SSBP2: variants seen among roughly 807,000 people sequenced by gnomAD.
The protein encoded by SSBP2 is single-stranded DNA-binding protein 2.
Under a neutral mutation model 61.8 loss-of-function variants are expected in SSBP2, and 17 were observed. The observed-to-expected ratio is 0.28, with a 90% CI of 0.19 to 0.41. The LOEUF is 0.41. Among genes scored for constraint, SSBP2 ranks in the 10% least tolerant of loss-of-function variants. SSBP2 has a pLI of 1.00. For synonymous variants in SSBP2, 139 were observed against 141.3 expected (o/e 0.98, Z 0.12); for missense variants, 310 against 458.7 (o/e 0.68, Z 2.96).
At position 81,420,888 on chromosome 5, in the gene SSBP2, G is replaced by A. The variant is rs550793854; in HGVS notation, c.1057-355C>T. 6.6e-5 allele frequency among the ~76,000 whole-genome samples: 10 copies of A among 152,202 alleles called. No individual in the cohort carries two copies. The South Asian group carries it at 1.5e-3, about 22-fold the overall frequency. On this transcript the variant is annotated intron_variant, in intron 16 of 16. Transcript: ENST00000320672. ...TAGTCCAAGGCTGGATCATAACTAA[G>A]TAAGTATGAGGTCTAGTCTTTGCTG...
chr5:81,448,322 A>T (rs960141352), intron 11 of SSBP2, among the ~76,000 whole-genome samples: 7 of 152,192 alleles, frequency 4.6e-5, no homozygotes, highest in Non-Finnish European at 2.9e-5. Context: ...AGTGTTCTCA[A>T]TTTCAAAGAA....
At chr5:81,459,430 G>C (rs1222033757) in intron 10 of SSBP2, among the ~76,000 whole-genome samples, 3 of 152,162 alleles carry the variant, frequency 2.0e-5, no homozygotes, top group Non-Finnish European at 4.4e-5. Context: ...AAGGTGGGTA[G>C]TGGTGGGTGT....
At chr5:81,505,289 A>C (rs892100635) in intron 5 of SSBP2, among the ~76,000 whole-genome samples, 1 of 152,204 alleles carries the variant, frequency 6.6e-6, no homozygotes, top group African/African-American at 2.4e-5. Context: ...AATATTTTCT[A>C]TCTGGCCTTT....
At chr5:81,440,055 C>A (rs1762930758) in intron 14 of SSBP2, among the ~76,000 whole-genome samples, 1 of 152,060 alleles carries the variant, frequency 6.6e-6, no homozygotes, top group Non-Finnish European at 1.5e-5. Context: ...AAAAGAGAAT[C>A]ATTCAAATTA....
intron 4 of SSBP2, among the ~76,000 whole-genome samples, chr5:81,606,538 C>T (rs919674623): frequency 6.6e-6 from 1 of 152,210 alleles, no homozygotes; most frequent in African/African-American, 2.4e-5. Context: ...ATCATTCTTA[C>T]AATGACTTGG....
chr5:81,425,610 T>C lies in SSBP2; in HGVS notation c.1056+2975A>G, dbSNP rs139983744. On this transcript the variant is annotated intron_variant, in intron 16 of 16. Transcript: ENST00000320672. ...TTCACTTGAGAAGCATGAAAAACTA[T>C]TTTTTTTGAACTAAGGCTTTTTGTA... Among the ~76,000 whole-genome samples, 447 of 151,570 alleles carry C rather than the reference T, an allele frequency of 2.9e-3. 4 individuals carry two copies. Among genetic ancestry groups the C allele is most frequent in the African/African-American group, 0.01 (428 of 41,182 alleles).
At chr5:81,713,657 G>A (rs1281299464) in intron 1 of SSBP2, among the ~76,000 whole-genome samples, 1 of 152,022 alleles carries the variant, frequency 6.6e-6, no homozygotes, top group Non-Finnish European at 1.5e-5. Context: ...TCATCCAGAG[G>A]CACAGAACTA....
intron 1 of SSBP2, among the ~76,000 whole-genome samples, chr5:81,726,947 C>T (rs1755927933): frequency 6.6e-6 from 1 of 152,196 alleles, no homozygotes; most frequent in Non-Finnish European, 1.5e-5. Context: ...TTTGCACTTA[C>T]TCTGTACGCC....
intron 2 of SSBP2, among the ~76,000 whole-genome samples, chr5:81,643,916 T>A (rs1749041643): frequency 6.6e-6 from 1 of 152,166 alleles, no homozygotes; most frequent in Admixed American, 6.6e-5. Flanking sequence ...ATTTTTACAT[T>A]TTAATTCAAA....
intron 4 of SSBP2, among the ~76,000 whole-genome samples, chr5:81,602,977 C>G (rs1744523017): frequency 6.6e-6 from 1 of 152,200 alleles, no homozygotes; most frequent in South Asian, 2.1e-4. Flanking sequence ...CATGAACAGT[C>G]TTTCTACCCA....
At chr5:81,433,919 G>C (rs1449365776) in intron 15 of SSBP2, among the ~76,000 whole-genome samples, 1 of 152,158 alleles carries the variant, frequency 6.6e-6, no homozygotes, top group African/African-American at 2.4e-5. Flanking sequence ...TCCTAGCCTT[G>C]TCCACAAAAG....
At chr5:81,731,869 CTT>C (rs1309987538) in intron 1 of SSBP2, among the ~76,000 whole-genome samples, 5 of 150,982 alleles carry the variant, frequency 3.3e-5, no homozygotes, top group Non-Finnish European at 7.4e-5. Flanking sequence ...ATAATATTAA[CTT>C]AAACAGAGAA....
intron 15 of SSBP2, 71 bp downstream of exon 15, chr5:81,437,359 C>CT (rs1762737412): frequency 4.2e-6 from 6 of 1,425,670 alleles, no homozygotes; most frequent in Non-Finnish European, 5.8e-6. Context: ...TAAATTTACT[C>CT]TAATAATTTT....
At chr5:81,488,046 T>C (rs1580811363) in intron 6 of SSBP2, among the ~76,000 whole-genome samples, 1 of 39,060 alleles carries the variant, frequency 2.6e-5, no homozygotes, top group African/African-American at 1.8e-4. Flanking sequence ...TATATATATA[T>C]ATATATATAT....
At chr5:81,662,698 A>C (rs888486509) in intron 1 of SSBP2, among the ~76,000 whole-genome samples, 4 of 152,024 alleles carry the variant, frequency 2.6e-5, no homozygotes, top group Non-Finnish European at 5.9e-5. Flanking sequence ...GCTACTCAGG[A>C]GGCTGAGGCA....
At chr5:81,488,010 AATATAT>A (rs59039206) in intron 6 of SSBP2, among the ~76,000 whole-genome samples, 863 of 38,458 alleles carry the variant, frequency 0.022, 17 homozygotes, top group Middle Eastern at 0.047. Flanking sequence ...ATGGCCAAAT[AATATAT>A]ATATATATAT....
intron 4 of SSBP2, among the ~76,000 whole-genome samples, chr5:81,614,189 T>C (rs567146260): frequency 6.8e-4 from 104 of 151,828 alleles, no homozygotes; most frequent in African/African-American, 2.4e-3. Context: ...TGAAACCCCG[T>C]TTCTACTAAA....
intron 1 of SSBP2, among the ~76,000 whole-genome samples, chr5:81,742,120 C>T (rs973876625): frequency 7.2e-5 from 11 of 151,960 alleles, no homozygotes; most frequent in African/African-American, 2.4e-4. Flanking sequence ...CCAGCTCATA[C>T]GATTATAATG....
At chr5:81,523,379 G>C (rs1221689723) in intron 4 of SSBP2, among the ~76,000 whole-genome samples, 1 of 151,974 alleles carries the variant, frequency 6.6e-6, no homozygotes, top group Non-Finnish European at 1.5e-5. Flanking sequence ...ACCAGAAAAG[G>C]TAGATAACAA....
Sources: allele counts gnomAD v4.1 joint callset (sites outside exome capture counted in the v4.1 genomes callset), GRCh38; gene constraint gnomAD v4.1.1; transcripts MANE v1.5; gene names NCBI Gene and HGNC (gene_info 2026-07-23, HGNC 2026-07-21).